Variants in GPATCH2 observed in about 807,000 individuals in gnomAD.
GPATCH2 encodes G-patch domain containing 2, also known as G patch domain-containing protein 2.
In GPATCH2, 51 loss-of-function variants were observed where a neutral mutation model predicts 58.0. The observed-to-expected ratio is 0.88, with a 90% CI of 0.70 to 1.11. The LOEUF is 1.11. GPATCH2 is among the 50% of genes most tolerant of loss of function. The probability of loss-of-function intolerance (pLI) is 0.00; values close to 1 mark genes in which losing one functional copy is unlikely to be tolerated. For synonymous variants in GPATCH2, 222 were observed against 218.5 expected (o/e 1.02, Z -0.14); for missense variants, 625 against 652.2 (o/e 0.96, Z 0.45).
chr1:217,600,201 C>G (rs938744997), intron 5 of GPATCH2, among the ~76,000 whole-genome samples: 1 of 152,132 alleles, frequency 6.6e-6, no homozygotes, highest in Non-Finnish European at 1.5e-5. Flanking sequence ...CCATTAAGTA[C>G]TGGTCAGTGT....
At chr1:217,554,183 T>C (rs1248801591) in intron 5 of GPATCH2, among the ~76,000 whole-genome samples, 2 of 152,324 alleles carry the variant, frequency 1.3e-5, no homozygotes, top group South Asian at 4.1e-4. Context: ...TTATTACACA[T>C]TGAAGATTTA....
chr1:217,608,267 T>C (rs1668455972), intron 5 of GPATCH2: 1 of 978,502 alleles, frequency 1.0e-6, no homozygotes, highest in Non-Finnish European at 1.2e-6. Flanking sequence ...AATTCAGGGT[T>C]GAAAGAAAGA....
intron 5 of GPATCH2, among the ~76,000 whole-genome samples, chr1:217,553,524 T>C (rs919579831): frequency 6.6e-6 from 1 of 152,166 alleles, no homozygotes; most frequent in Admixed American, 6.6e-5. Flanking sequence ...ATTGTAAGAA[T>C]ATGTATACTA....
intron 8 of GPATCH2, among the ~76,000 whole-genome samples, chr1:217,488,860 AAT>A (rs1661580167): frequency 6.9e-6 from 1 of 145,490 alleles, no homozygotes; most frequent in African/African-American, 2.8e-5. Flanking sequence ...GACTATTTAA[AAT>A]TTTTTTTTTT....
intron 7 of GPATCH2, among the ~76,000 whole-genome samples, chr1:217,496,953 C>T (rs543439996): frequency 6.6e-6 from 1 of 151,956 alleles, no homozygotes; most frequent in Non-Finnish European, 1.5e-5. Context: ...AAAAATTGGT[C>T]AAAAAGATTT....
intron 5 of GPATCH2, among the ~76,000 whole-genome samples, chr1:217,568,286 A>C (rs1266915171): frequency 6.6e-6 from 1 of 152,234 alleles, no homozygotes; most frequent in Non-Finnish European, 1.5e-5. Flanking sequence ...ACGCAGGATT[A>C]AAAGCTGAAT....
Position 217,436,698 on chromosome 1 carries a change from C to T in GPATCH2, c.1367-5333G>A, listed in dbSNP as rs1280739858. ...TAGCCCTTATACATTATAAATGCTT[C>T]TGTATCCATAATTTCTTTTGATCTT... On this transcript the variant is annotated intron_variant, in intron 9 of 9. Coordinates refer to ENST00000366935, the MANE Select transcript of GPATCH2 (RefSeq NM_018040.5). Among the ~76,000 whole-genome samples the T allele has an allele frequency of 2.6e-5, 4 of 152,220 alleles. No homozygotes were observed. In the East Asian group the frequency reaches 7.7e-4, roughly 29 times the overall value.
chr1:217,474,747 A>T (rs529407471), intron 8 of GPATCH2, among the ~76,000 whole-genome samples: 1 of 152,172 alleles, frequency 6.6e-6, no homozygotes, highest in East Asian at 1.9e-4. Flanking sequence ...CCTGCTTGGT[A>T]TATTTTGGGA....
At chr1:217,453,748 G>A (rs1030457895) in intron 8 of GPATCH2, among the ~76,000 whole-genome samples, 18 of 152,080 alleles carry the variant, frequency 1.2e-4, no homozygotes, top group African/African-American at 3.4e-4. Flanking sequence ...CTTTTGACAC[G>A]GGCTGACAAG....
chr1:217,557,850 TA>T (rs908516521), intron 5 of GPATCH2, among the ~76,000 whole-genome samples: 3 of 152,200 alleles, frequency 2.0e-5, no homozygotes, highest in Non-Finnish European at 2.9e-5. Context: ...TTTGAATTCC[TA>T]AAACTTTTCA....
At chr1:217,606,939 T>A (rs1307920771) in intron 5 of GPATCH2, among the ~76,000 whole-genome samples, 1 of 152,008 alleles carries the variant, frequency 6.6e-6, no homozygotes, top group African/African-American at 2.4e-5. Context: ...CTGACGACAC[T>A]TATGCAAAAG....
At chr1:217,630,654 C>T (rs905523410) in intron 1 of GPATCH2, among the ~76,000 whole-genome samples, 2 of 152,192 alleles carry the variant, frequency 1.3e-5, no homozygotes, top group African/African-American at 4.8e-5. Flanking sequence ...TGAATTGCTC[C>T]TGGAGTACAG....
intron 5 of GPATCH2, among the ~76,000 whole-genome samples, chr1:217,604,320 C>T (rs1668255212): frequency 6.8e-6 from 1 of 147,850 alleles, no homozygotes; most frequent in Non-Finnish European, 1.5e-5. Flanking sequence ...CACTGCACTC[C>T]AACCTGGGTG....
intron 3 of GPATCH2, among the ~76,000 whole-genome samples, chr1:217,612,969 A>G (rs1668702049): frequency 6.6e-6 from 1 of 152,200 alleles, no homozygotes; most frequent in Non-Finnish European, 1.5e-5. Context: ...ATGCTGGCAT[A>G]TCATTCTAAG....
chr1:217,556,275 A>G (rs1571911946), intron 5 of GPATCH2, among the ~76,000 whole-genome samples: 1 of 152,006 alleles, frequency 6.6e-6, no homozygotes, highest in African/African-American at 2.4e-5. Flanking sequence ...ATGTTAACAT[A>G]CTCCAAGTGT....
intron 5 of GPATCH2, among the ~76,000 whole-genome samples, chr1:217,544,465 T>G (rs1664926605): frequency 6.6e-6 from 1 of 152,134 alleles, no homozygotes; most frequent in African/African-American, 2.4e-5. Context: ...AGGCCAACAT[T>G]CTTTTAAAAA....
intron 8 of GPATCH2, among the ~76,000 whole-genome samples, chr1:217,456,111 G>A (rs1281537221): frequency 3.3e-5 from 5 of 152,070 alleles, no homozygotes; most frequent in African/African-American, 9.7e-5. Flanking sequence ...CTGTGTGACC[G>A]AATTCTTCCT....
intron 5 of GPATCH2, among the ~76,000 whole-genome samples, chr1:217,584,252 G>A (rs1363105824): frequency 6.7e-6 from 1 of 150,332 alleles, no homozygotes; most frequent in Non-Finnish European, 1.5e-5. Context: ...AATACTAGTG[G>A]GAGGCCGAGG....
intron 5 of GPATCH2, among the ~76,000 whole-genome samples, chr1:217,542,989 G>A (rs1008469655): frequency 3.3e-5 from 5 of 152,148 alleles, no homozygotes; most frequent in African/African-American, 1.2e-4. Flanking sequence ...TGGTGCAGGT[G>A]GCATCTGGGG....
Sources: allele counts gnomAD v4.1 joint callset (sites outside exome capture counted in the v4.1 genomes callset), GRCh38; gene constraint gnomAD v4.1.1; transcripts MANE v1.5; gene names NCBI Gene and HGNC (gene_info 2026-07-23, HGNC 2026-07-21).